VOPP1: variants seen among roughly 807,000 people sequenced by gnomAD.
The protein encoded by VOPP1 is WW domain binding protein VOPP1.
VOPP1 carries 8 observed loss-of-function variants against 23.5 expected under a neutral mutation model. That is an observed-to-expected ratio of 0.34 (90% CI 0.20 to 0.61). The LOEUF (loss-of-function observed/expected upper bound fraction) is 0.61, where lower values mean the gene tolerates loss of function less well. VOPP1 is among the 20% of genes least tolerant of loss of function. VOPP1 has a pLI of 0.78. For missense variants in VOPP1, 174 were observed against 238.1 expected, an observed-to-expected ratio of 0.73 and a Z score of 1.77; for synonymous variants, 83 against 97.3, an observed-to-expected ratio of 0.85 and a Z score of 0.86.
chr7:55,538,347 T>C (rs1796931853), intron 1 of VOPP1, among the ~76,000 whole-genome samples: 1 of 152,228 alleles, frequency 6.6e-6, no homozygotes, highest in Admixed American at 6.5e-5. Flanking sequence ...CCTTCCAGTC[T>C]GCAAAGCATT....
intron 1 of VOPP1, among the ~76,000 whole-genome samples, chr7:55,564,261 C>CTCTCTCTCTCTCTG (rs1798087203): frequency 6.6e-6 from 1 of 150,684 alleles, no homozygotes. Flanking sequence ...CTCTCTCTCT[C>CTCTCTCTCTCTCTG]TCTCTCGCTC....
chr7:55,498,655 T>G (rs1481506827), intron 2 of VOPP1, among the ~76,000 whole-genome samples: 2 of 152,224 alleles, frequency 1.3e-5, no homozygotes, highest in African/African-American at 4.8e-5. Flanking sequence ...CTAATTGTGA[T>G]CTAGGTTCCT....
chr7:55,463,702 C>G (rs1298040296), intron 4 of VOPP1, among the ~76,000 whole-genome samples: 1 of 152,156 alleles, frequency 6.6e-6, no homozygotes. Context: ...CTCCCACCCC[C>G]GCTCCCCAGC....
chr7:55,476,651 G>A (rs1036773833), intron 4 of VOPP1, among the ~76,000 whole-genome samples: 1 of 152,128 alleles, frequency 6.6e-6, no homozygotes, highest in South Asian at 2.1e-4. Flanking sequence ...CAAACTCAGG[G>A]CACGTGGGTC....
chr7:55,553,747 C>T (rs1797705714), intron 1 of VOPP1: 1 of 148,294 alleles, frequency 6.7e-6, no homozygotes, highest in South Asian at 2.2e-4. Context: ...GCTCCCTTCC[C>T]CTGCACTCTA....
At chr7:55,502,836 A>G (rs1458986170) in intron 2 of VOPP1, among the ~76,000 whole-genome samples, 1 of 152,250 alleles carries the variant, frequency 6.6e-6, no homozygotes, top group Non-Finnish European at 1.5e-5. Context: ...AGAACAGATC[A>G]GGATGGAGAA....
intron 4 of VOPP1, among the ~76,000 whole-genome samples, chr7:55,450,745 T>C (rs1267302799): frequency 6.6e-6 from 1 of 152,248 alleles, no homozygotes; most frequent in East Asian, 1.9e-4. Flanking sequence ...AATTCCTTTC[T>C]TCTACAAAAA....
chr7:55,519,970 A>T (rs1282886953), intron 2 of VOPP1, among the ~76,000 whole-genome samples: 1 of 152,296 alleles, frequency 6.6e-6, no homozygotes, highest in African/African-American at 2.4e-5. Flanking sequence ...TCTACTAGAA[A>T]TAGAAAAATT....
At position 55,483,921 on chromosome 7, in the gene VOPP1, T is replaced by A. The variant is rs1275574641; in HGVS notation, c.328+8361A>T. 3.3e-5 allele frequency among the ~76,000 whole-genome samples: 5 copies of A among 152,178 alleles called. No homozygotes were observed. The East Asian group carries it at 9.6e-4, about 29-fold the overall frequency. ...ACAGGCACATGCCACCATGCCTGGC[T>A]AATTTTTGTATTTTTAGTAGAGACA... On this transcript the variant is annotated intron_variant, in intron 4 of 4. Coordinates refer to ENST00000285279, the MANE Select transcript of VOPP1 (RefSeq NM_030796.5).
At chr7:55,463,120 GATTT>G (rs1791547492) in intron 4 of VOPP1, among the ~76,000 whole-genome samples, 1 of 152,118 alleles carries the variant, frequency 6.6e-6, no homozygotes, top group Admixed American at 6.5e-5. Context: ...AATTTGTTGA[GATTT>G]ATTTTGTGGC....
At chr7:55,561,958 G>C (rs920391005) in intron 1 of VOPP1, 8 of 703,432 alleles carry the variant, frequency 1.1e-5, no homozygotes, top group Non-Finnish European at 2.1e-5. Context: ...GGAAGTGAAA[G>C]TATGGTGCCT....
At chr7:55,482,080 G>A (rs1350598793) in intron 4 of VOPP1, among the ~76,000 whole-genome samples, 1 of 151,926 alleles carries the variant, frequency 6.6e-6, no homozygotes, top group South Asian at 2.1e-4. Context: ...CATGACTATT[G>A]TATCTTCACC....
At chr7:55,438,423 TAATA>T (rs964850288) in intron 4 of VOPP1, among the ~76,000 whole-genome samples, 2 of 151,996 alleles carry the variant, frequency 1.3e-5, no homozygotes, top group African/African-American at 2.4e-5. Flanking sequence ...TGTTATAAGG[TAATA>T]AATGATACAG....
At chr7:55,521,624 A>G (rs1795864765) in intron 1 of VOPP1, 7 of 987,248 alleles carry the variant, frequency 7.1e-6, no homozygotes, top group South Asian at 4.7e-5. Flanking sequence ...TTGCCCTCTC[A>G]CGTGCAGGAA....
At chr7:55,465,804 A>G (rs187145646), downstream of VOPP1, among the ~76,000 whole-genome samples, 38 of 152,330 alleles carry the variant, frequency 2.5e-4, no homozygotes, top group Non-Finnish European at 4.3e-4. Flanking sequence ...CAGAGCCCAC[A>G]GTCTTTCCAT....
At chr7:55,562,750 C>T (rs1798030106) in intron 1 of VOPP1, among the ~76,000 whole-genome samples, 3 of 152,190 alleles carry the variant, frequency 2.0e-5, no homozygotes, top group South Asian at 4.2e-4. Context: ...AAACTGAGCT[C>T]CACTGAGGAC....
intron 4 of VOPP1, among the ~76,000 whole-genome samples, chr7:55,454,296 G>A (rs2088181371): frequency 1.3e-5 from 2 of 152,140 alleles, no homozygotes; most frequent in African/African-American, 4.8e-5. Flanking sequence ...CTGAAACTGA[G>A]GCAGCAATTA....
At chr7:55,537,463 G>C in intron 1 of VOPP1, 1 of 1,535,984 alleles carries the variant, frequency 6.5e-7, no homozygotes. Context: ...CTCTGGGCCA[G>C]GCTTCACAGC....
At chr7:55,499,256 C>A (rs1189919891) in intron 2 of VOPP1, among the ~76,000 whole-genome samples, 1 of 152,190 alleles carries the variant, frequency 6.6e-6, no homozygotes, top group Non-Finnish European at 1.5e-5. Context: ...AGTTCGAGAC[C>A]AGCCTGGCCA....
Sources: gnomAD v4.1 joint callset for allele counts (sites outside exome capture counted in the v4.1 genomes callset) on GRCh38, gnomAD v4.1.1 for gene constraint, MANE v1.5 for transcripts, NCBI Gene and HGNC (gene_info 2026-07-23, HGNC 2026-07-21) for gene names.